PAQR7: variants seen among roughly 807,000 people sequenced by gnomAD.
PAQR7 encodes membrane progestin receptor alpha.
Under a neutral mutation model 24.6 loss-of-function variants are expected in PAQR7, and 14 were observed. That is an observed-to-expected ratio of 0.57 (90% confidence interval 0.38 to 0.89). PAQR7 has a LOEUF of 0.89. Among genes scored for constraint, PAQR7 ranks in the 40% least tolerant of loss-of-function variants. The pLI, the probability that PAQR7 is intolerant of heterozygous loss-of-function variation, is 0.00. For missense variants in PAQR7, 351 were observed against 444.0 expected (o/e 0.79, Z 1.88); for synonymous variants, 189 against 198.8 (o/e 0.95, Z 0.42).
In PAQR7 at chr1:25,875,580, G is replaced by A. The variant is rs1020730550; in HGVS notation, c.-201C>T. Reference sequence around the variant, plus strand: ...CCGGGCAGCGGCCCCGCCCCAAGCCGGGGGAGGGCGGGCGGCCTCGGGCGC... The same window carrying A: ...CCGGGCAGCGGCCCCGCCCCAAGCCAGGGGAGGGCGGGCGGCCTCGGGCGC... On this transcript the variant is annotated 5_prime_UTR_variant, in exon 1 of 3. Transcript: ENST00000675840. This position sits in a 1 kb window ranked among gnomAD's most constrained non-coding sequence, Gnocchi z 5.4. Among the ~76,000 whole-genome samples the A allele has an allele frequency of 3.3e-5, 5 of 151,796 alleles. No homozygotes were observed. Among genetic ancestry groups the A allele is most frequent in the African/African-American group, 1.2e-4 (5 of 41,352 alleles).
chr1:25,871,810 C>T (rs1050095339), intron 1 of PAQR7, among the ~76,000 whole-genome samples: 11 of 152,206 alleles, frequency 7.2e-5, no homozygotes, highest in African/African-American at 2.7e-4. Flanking sequence ...TCAACGCTAC[C>T]CAGGCATTCT....
rs751249369 is a variant in PAQR7, at chr1:25,862,783, C to CA, written c.*15dup. ...CCCCCAACTATACCTCCCTCCCTAC[C>CA]AGATGCCATCCCCCTTCACTTGGTC... On this transcript the variant is annotated 3_prime_UTR_variant, in exon 3 of 3. Transcript: ENST00000675840. The CA allele has an allele frequency of 6.2e-7, 1 of 1,606,254 alleles. No homozygotes were observed. The highest frequency in any genetic ancestry group is 8.5e-7 in the Non-Finnish European group (1 of 1,175,040).
Position 25,863,429 on chromosome 1 carries a change from G to GA in PAQR7, c.410_411insT (p.Phe138LeufsTer55). Reference sequence around the variant, plus strand: ...CCCCCACATAGTCCAGGAAGAAGAAGCTGTAATGCCAGAACTCAGACTTGG... The same window carrying GA: ...CCCCCACATAGTCCAGGAAGAAGAAGACTGTAATGCCAGAACTCAGACTTGG... On this transcript the variant is annotated frameshift_variant, in exon 3 of 3. Transcript: ENST00000675840. LOFTEE classifies it high-confidence loss of function. This position sits in a 1 kb window ranked among gnomAD's most constrained non-coding sequence, Gnocchi z 6.1. The GA allele has an allele frequency of 4.3e-6, 7 of 1,614,246 alleles. No individual in the cohort carries two copies. Among genetic ancestry groups the GA allele is most frequent in the Non-Finnish European group, 5.9e-6 (7 of 1,180,036 alleles).
intron 2 of PAQR7, among the ~76,000 whole-genome samples, chr1:25,869,400 C>T (rs2048585137): frequency 6.6e-6 from 1 of 151,886 alleles, no homozygotes; most frequent in African/African-American, 2.4e-5. Flanking sequence ...TGGGAAACCC[C>T]ATGTCTACTA....
At chr1:25,864,909 C>G (rs2048544036) in intron 2 of PAQR7, among the ~76,000 whole-genome samples, 1 of 152,110 alleles carries the variant, frequency 6.6e-6, no homozygotes, top group African/African-American at 2.4e-5. Context: ...GTAATCCCAG[C>G]ACTTTGGGAG....
At chr1:25,873,381 C>T (rs2048620305) in intron 1 of PAQR7, among the ~76,000 whole-genome samples, 1 of 152,204 alleles carries the variant, frequency 6.6e-6, no homozygotes, top group Admixed American at 6.5e-5. Flanking sequence ...GTTTTCATCC[C>T]TGGCTGGCCT....
Position 25,863,155 on chromosome 1 carries a change from A to T in PAQR7, c.685T>A (p.Ser229Thr), listed in dbSNP as rs960422609. The T allele has an allele frequency of 6.2e-7, 1 of 1,614,206 alleles. No individual in the cohort carries two copies. Among genetic ancestry groups the T allele is most frequent in the Admixed American group, 1.7e-5 (1 of 60,028 alleles). ...SPVVHRIFVS[S>T]DPTTDDPALL... ...GCTGGATCATCCGTGGTGGGGTCGG[A>T]GGACACGAAGATACGATGCACCACA... The change falls in exon 3 of 3, where the codon TCC (serine) becomes ACC (threonine). Residue 229 changes from serine (S) to threonine (T), a missense_variant. Physicochemically the swap from Ser to Thr is moderately conservative, Grantham distance 58. Transcript: ENST00000675840. The surrounding 1 kb of genome is among the most constrained non-coding windows in gnomAD (Gnocchi z 6.1).
At chr1:25,873,256 C>T (rs981545623) in intron 1 of PAQR7, among the ~76,000 whole-genome samples, 3 of 152,246 alleles carry the variant, frequency 2.0e-5, no homozygotes, top group African/African-American at 7.2e-5. Context: ...GAGCCCAGCC[C>T]TGGAGGCGGG....
intron 1 of PAQR7, among the ~76,000 whole-genome samples, chr1:25,873,891 T>C (rs1447609080): frequency 2.6e-5 from 4 of 152,130 alleles, no homozygotes; most frequent in African/African-American, 9.7e-5. Flanking sequence ...CTTTTCTTTT[T>C]TTATTTTTTG....
rs772978544 is a variant in PAQR7 at position 25,863,832 on chromosome 1, A to G, written c.8T>C (p.Met3Thr). ...CAGGAGGTGGCTGAGTTTCTGGGCC[A>G]TGGCCATGGCTGTGGGCCTGGGCAG... MA[M>T]AQKLSHLLPS... The change falls in exon 3 of 3, where the codon ATG becomes ACG. Residue 3 changes from methionine to threonine, a missense_variant. Coordinates refer to ENST00000675840, the MANE Select transcript of PAQR7 (RefSeq NM_178422.6). This position sits in a 1 kb window ranked among gnomAD's most constrained non-coding sequence, Gnocchi z 6.1. 1.2e-5 allele frequency: 20 copies of G among 1,610,586 alleles called. No individual in the cohort carries two copies. Among genetic ancestry groups the G allele is most frequent in the Non-Finnish European group, 1.6e-5 (19 of 1,178,184 alleles).
At chr1:25,871,155 G>A (rs2124198706) in intron 1 of PAQR7, 1 of 152,232 alleles carries the variant, frequency 6.6e-6, no homozygotes, top group African/African-American at 2.4e-5. Flanking sequence ...TGTAGACCAG[G>A]GAAATCTGGC....
At chr1:25,869,294 G>A (rs185761933) in intron 2 of PAQR7, among the ~76,000 whole-genome samples, 57 of 152,198 alleles carry the variant, frequency 3.7e-4, no homozygotes, top group African/African-American at 1.3e-3. Context: ...GCTCCCAGCT[G>A]GGCGCAGTGG....
rs189674512 is a variant in PAQR7 at position 25,862,862 on chromosome 1, G to A, written c.978C>T (p.Ser326=). 24 of 1,614,202 alleles carry A rather than the reference G, an allele frequency of 1.5e-5. No homozygotes were observed. In the African/African-American group the frequency reaches 2.7e-4, roughly 18 times the overall value. Residue 326 remains serine (S), a synonymous_variant, in exon 3 of 3, where the codon AGC becomes AGT. Transcript: ENST00000675840. ...GGCTCAGGAGGAATGCAGTGAGGAT[G>A]CTGCTGCCCACCGTGAGCAGGAAGA... ...SGLFLLTVGS[S]ILTAFLLSQL...
At chr1:25,866,695 A>C (rs1443626572) in intron 2 of PAQR7, among the ~76,000 whole-genome samples, 2 of 152,128 alleles carry the variant, frequency 1.3e-5, no homozygotes, top group Non-Finnish European at 1.5e-5. Context: ...CAGATGGCAG[A>C]GGCATGCTCT....
intron 2 of PAQR7, among the ~76,000 whole-genome samples, chr1:25,869,549 G>T (rs1425710921): frequency 1.4e-5 from 2 of 146,766 alleles, no homozygotes; most frequent in Non-Finnish European, 3.0e-5. Flanking sequence ...TCCAGTCTGG[G>T]TGACAAAGTG....
In PAQR7 at chr1:25,863,970, AT is replaced by A. The variant is rs2048536229; in HGVS notation, c.-22-110del. On this transcript the variant is annotated intron_variant, in intron 2 of 2. Coordinates refer to ENST00000675840, the MANE Select transcript of PAQR7 (RefSeq NM_178422.6). This position sits in a 1 kb window ranked among gnomAD's most constrained non-coding sequence, Gnocchi z 6.1. ...CTACTCCCTCCTCTCCGACAGCCTTATCCTTACACTCGGTTTAAGAACAGAA... is the reference window on the plus strand; with the variant it reads ...CTACTCCCTCCTCTCCGACAGCCTTACCTTACACTCGGTTTAAGAACAGAA... The A allele has an allele frequency of 1.3e-6, 1 of 771,150 alleles. No individual in the cohort carries two copies. Among genetic ancestry groups the A allele is most frequent in the African/African-American group, 1.8e-5 (1 of 56,852 alleles). 47.8% of individuals were successfully genotyped at this position (771,150 alleles called of 1,614,324 possible).
At position 25,863,961 on chromosome 1, in the gene PAQR7, G is replaced by C; in HGVS notation, c.-22-100C>G. ...GCCCAAATCCTACTCCCTCCTCTCC[G>C]ACAGCCTTATCCTTACACTCGGTTT... On this transcript the variant is annotated intron_variant, in intron 2 of 2. Coordinates refer to ENST00000675840, the MANE Select transcript of PAQR7 (RefSeq NM_178422.6). The surrounding 1 kb of genome is among the most constrained non-coding windows in gnomAD (Gnocchi z 6.1). 1 of 837,344 alleles carries C rather than the reference G, an allele frequency of 1.2e-6. No individual in the cohort carries two copies. Among genetic ancestry groups the C allele is most frequent in the Admixed American group, 2.9e-5 (1 of 34,878 alleles). 51.9% of individuals were successfully genotyped at this position (837,344 alleles called of 1,614,324 possible).
chr1:25,863,563 C>T lies in PAQR7; in HGVS notation c.277G>A (p.Val93Met), dbSNP rs765095615. The part of the protein sequence containing the change: ...LVLLLRLALF[V>M]ETVDFWGDPH... ...TCTCCCCAGAAGTCCACGGTCTCCACAAAGAGGGCCAGCCGCAGCAGCAGT... is the reference window on the plus strand; with the variant it reads ...TCTCCCCAGAAGTCCACGGTCTCCATAAAGAGGGCCAGCCGCAGCAGCAGT... Residue 93 changes from valine (V) to methionine (M), a missense_variant, in exon 3 of 3, where the codon GTG (valine) becomes ATG (methionine). By Grantham distance (21) the Val-to-Met change is conservative. Coordinates refer to ENST00000675840, the MANE Select transcript of PAQR7 (RefSeq NM_178422.6). This position sits in a 1 kb window ranked among gnomAD's most constrained non-coding sequence, Gnocchi z 6.1. 1.2e-6 allele frequency: 2 copies of T among 1,614,148 alleles called. No homozygotes were observed. The highest frequency in any genetic ancestry group is 8.5e-7 in the Non-Finnish European group (1 of 1,180,034).
In PAQR7 at chr1:25,862,874, CGT is replaced by C. The variant is rs2048522443; in HGVS notation, c.964_965del (p.Thr322GlyfsTer20). On this transcript the variant is annotated frameshift_variant, in exon 3 of 3. Transcript: ENST00000675840. LOFTEE classifies it high-confidence loss of function. ...PHNFSGLFLL[T>X]VGSSILTAFL... ...ATGCAGTGAGGATGCTGCTGCCCACCGTGAGCAGGAAGAGGCCAGAAAAGTTG... is the reference window on the plus strand; with the variant it reads ...ATGCAGTGAGGATGCTGCTGCCCACCGAGCAGGAAGAGGCCAGAAAAGTTG... The C allele has an allele frequency of 6.2e-7, 1 of 1,614,176 alleles. No homozygotes were observed. Among genetic ancestry groups the C allele is most frequent in the East Asian group, 2.2e-5 (1 of 44,886 alleles).
Sources: gnomAD v4.1 joint callset for allele counts (sites outside exome capture counted in the v4.1 genomes callset) on GRCh38, gnomAD v4.1.1 for gene constraint, Gnocchi (gnomAD v3.1) non-coding constraint, MANE v1.5 for transcripts, NCBI Gene and HGNC (gene_info 2026-07-23, HGNC 2026-07-21) for gene names.